Variants in DCC observed in about 807,000 individuals in gnomAD.
DCC encodes the protein netrin receptor DCC.
In DCC, 58 loss-of-function variants were observed where a neutral mutation model predicts 172.5. The observed-to-expected ratio is 0.34, with a 90% CI of 0.27 to 0.42. DCC has a LOEUF of 0.42. DCC is among the 10% of genes least tolerant of loss of function. The pLI is 1.00. For synonymous variants in DCC, 709 were observed against 644.5 expected (o/e 1.10, Z -1.52); for missense variants, 1,740 against 1,791.0 (o/e 0.97, Z 0.51).
chr18:52,364,676 A>C (rs980707403), intron 1 of DCC, among the ~76,000 whole-genome samples: 1 of 152,056 alleles, frequency 6.6e-6, no homozygotes, highest in South Asian at 2.1e-4. Context: ...TTATTTTTGG[A>C]TTAGTTATTC....
intron 1 of DCC, among the ~76,000 whole-genome samples, chr18:52,641,137 TG>T (rs2034883652): frequency 6.6e-6 from 1 of 152,112 alleles, no homozygotes; most frequent in Non-Finnish European, 1.5e-5. Flanking sequence ...TTTCAACAAA[TG>T]GTGCTGGGAT....
At chr18:53,117,102 T>G (rs1030461038) in intron 7 of DCC, among the ~76,000 whole-genome samples, 1 of 151,736 alleles carries the variant, frequency 6.6e-6, no homozygotes, top group African/African-American at 2.4e-5. Context: ...AACTAAGCTT[T>G]GGAATACTAA....
chr18:52,587,594 C>G (rs1471081396), intron 1 of DCC, among the ~76,000 whole-genome samples: 1 of 152,188 alleles, frequency 6.6e-6, no homozygotes, highest in Non-Finnish European at 1.5e-5. Flanking sequence ...GGCTACAGCC[C>G]ACAAATCACT....
At chr18:52,831,645 G>C (rs1452758723) in intron 2 of DCC, among the ~76,000 whole-genome samples, 1 of 152,070 alleles carries the variant, frequency 6.6e-6, no homozygotes, top group African/African-American at 2.4e-5. Context: ...AAACTAGAGG[G>C]GTGGAATTGC....
chr18:52,865,611 CTT>C (rs552284612), intron 2 of DCC, among the ~76,000 whole-genome samples: 1 of 144,862 alleles, frequency 6.9e-6, no homozygotes. Flanking sequence ...TGATGATGAG[CTT>C]TTTTTTTTTT....
chr18:52,726,039 A>G (rs987249387), intron 1 of DCC, among the ~76,000 whole-genome samples: 6 of 152,342 alleles, frequency 3.9e-5, no homozygotes, highest in Admixed American at 2.6e-4. Context: ...GATTAAACTA[A>G]CTGCTCAAGG....
chr18:53,296,356 A>G (rs1474591780), intron 12 of DCC, among the ~76,000 whole-genome samples: 1 of 152,124 alleles, frequency 6.6e-6, no homozygotes, highest in Non-Finnish European at 1.5e-5. Context: ...GATTTACTAC[A>G]TAAATATTAT....
chr18:53,528,939 C>G (rs528553331), intron 28 of DCC, among the ~76,000 whole-genome samples: 1 of 147,620 alleles, frequency 6.8e-6, no homozygotes, highest in African/African-American at 2.5e-5. Flanking sequence ...AGTTTGAGAA[C>G]GACAACCAGA....
In DCC at chr18:52,809,675, A is replaced by G. The variant is rs1301524659; in HGVS notation, c.412+57301A>G. Among the ~76,000 whole-genome samples, 10 of 152,266 alleles carry G rather than the reference A, an allele frequency of 6.6e-5. 1 individual carries two copies. The South Asian group carries it at 1.9e-3, about 28-fold the overall frequency. On this transcript the variant is annotated intron_variant, in intron 2 of 28. Transcript: ENST00000442544. The stretch of plus-strand genomic sequence containing the variant: ...CGGCAAACAGCAGTGGGGGACGGTG[A>G]GTAGAAGCTCAACTTGTGCCCTAAC...
Position 53,468,380 on chromosome 18 carries a change from T to TTTATTTTATTTA in DCC, c.3736+372_3736+373insATTTTATTTATT, listed in dbSNP as rs1555675979. The stretch of plus-strand genomic sequence containing the variant: ...TTTATTTATTTTATTTATTTATTTA[T>TTTATTTTATTTA]TTTATTTATTTATTTATTTTGAGAC... On this transcript the variant is annotated intron_variant, in intron 25 of 28. Transcript: ENST00000442544. 1.4e-3 allele frequency among the ~76,000 whole-genome samples: 195 copies of TTTATTTTATTTA among 135,170 alleles called. 1 individual carries two copies. Among genetic ancestry groups the TTTATTTTATTTA allele is most frequent in the African/African-American group, 5.2e-3 (169 of 32,430 alleles). 88.7% of individuals were successfully genotyped at this position (135,170 alleles called of 152,430 possible).
chr18:53,406,718 AAAG>A (rs1909682410), intron 19 of DCC, among the ~76,000 whole-genome samples: 2 of 115,084 alleles, frequency 1.7e-5, no homozygotes. Context: ...AAAAAAAAAG[AAAG>A]AAAGAAAAAA....
At chr18:53,300,217 G>A (rs945982442) in intron 12 of DCC, among the ~76,000 whole-genome samples, 6 of 152,192 alleles carry the variant, frequency 3.9e-5, no homozygotes, top group African/African-American at 1.4e-4. Context: ...CTGCCTGCTT[G>A]CTAAAATTTA....
chr18:53,463,968 C>T (rs1023842003), intron 24 of DCC, among the ~76,000 whole-genome samples: 4 of 152,308 alleles, frequency 2.6e-5, no homozygotes, highest in Non-Finnish European at 5.9e-5. Flanking sequence ...TTCTTCCCTA[C>T]TGCTGGTATG....
intron 14 of DCC, among the ~76,000 whole-genome samples, chr18:53,326,480 T>C (rs1193499647): frequency 1.3e-5 from 2 of 152,212 alleles, no homozygotes; most frequent in Admixed American, 1.3e-4. Context: ...TCTGGTTTTC[T>C]TCTTTTGATT....
chr18:53,181,117 TC>T (rs1363110542), intron 9 of DCC, among the ~76,000 whole-genome samples: 1 of 152,162 alleles, frequency 6.6e-6, no homozygotes, highest in East Asian at 1.9e-4. Context: ...CTTAAAGAAA[TC>T]CTTGATAAAT....
intron 1 of DCC, among the ~76,000 whole-genome samples, chr18:52,643,166 C>T (rs1170902809): frequency 6.6e-6 from 1 of 152,210 alleles, no homozygotes; most frequent in East Asian, 1.9e-4. Context: ...TGTCTCCAGA[C>T]CATTTGACAT....
intron 2 of DCC, among the ~76,000 whole-genome samples, chr18:52,802,006 T>A (rs74924285): frequency 1.7e-5 from 2 of 117,466 alleles, no homozygotes; most frequent in East Asian, 4.2e-4. Context: ...ATTCTATTCT[T>A]TTTTTTTTTT....
At chr18:52,822,404 A>T (rs2038422928) in intron 2 of DCC, among the ~76,000 whole-genome samples, 1 of 152,244 alleles carries the variant, frequency 6.6e-6, no homozygotes, top group Admixed American at 6.5e-5. Context: ...ACCTAGTTTC[A>T]GGCCACAGCC....
At chr18:53,201,544 C>T (rs1031782894) in intron 9 of DCC, among the ~76,000 whole-genome samples, 3 of 152,098 alleles carry the variant, frequency 2.0e-5, no homozygotes, top group Non-Finnish European at 4.4e-5. Context: ...TGTGCGTTGT[C>T]TTTGTGAATA....
Sources: gnomAD v4.1 joint callset for allele counts (sites outside exome capture counted in the v4.1 genomes callset) on GRCh38, gnomAD v4.1.1 for gene constraint, MANE v1.5 for transcripts, NCBI Gene and HGNC (gene_info 2026-07-23, HGNC 2026-07-21) for gene names.